LCK: variants seen among roughly 807,000 people sequenced by gnomAD.
The protein encoded by LCK is LCK proto-oncogene, Src family tyrosine kinase, also known as tyrosine-protein kinase Lck.
A neutral mutation model predicts 64.6 loss-of-function variants in LCK; 14 were observed. The ratio of observed to expected loss-of-function variants is 0.22; its 90% confidence interval spans 0.14 to 0.34. The LOEUF (loss-of-function observed/expected upper bound fraction) is 0.34. Ranked by LOEUF, LCK falls within the 10% of genes least tolerant of loss-of-function variation. The pLI, the probability that LCK is intolerant of heterozygous loss-of-function variation, is 1.00. For synonymous variants in LCK, 277 were observed against 263.6 expected (o/e 1.05, Z -0.49); for missense variants, 434 against 668.1 (o/e 0.65, Z 3.86).
intron 2 of LCK, 65 bp from the exon 3 acceptor site, chr1:32,274,672 G>A (rs11576027): frequency 3.2e-4 from 422 of 1,326,674 alleles, no homozygotes; most frequent in African/African-American, 1.9e-3. Flanking sequence ...GAGCAGGGGG[G>A]AAGGGGGCCA....
rs145895618 is a variant in LCK at position 32,269,174 on chromosome 1, C to T, written c.-5-5151C>T. On this transcript the variant is annotated intron_variant, in intron 1 of 12. Transcript: ENST00000336890. ...AGTCTAGGCTGGGCATGGTGGTTCA[C>T]GCCTGTAATCCCAGCACTTTGGGAG... Among the ~76,000 whole-genome samples the T allele has an allele frequency of 5.0e-3, 732 of 146,400 alleles. 4 individuals are homozygous for T. Among genetic ancestry groups the T allele is most frequent in the Middle Eastern group, 0.016 (4 of 248 alleles).
intron 1 of LCK, among the ~76,000 whole-genome samples, chr1:32,262,014 G>A (rs1241305118): frequency 2.8e-5 from 4 of 145,356 alleles, no homozygotes; most frequent in Non-Finnish European, 6.0e-5. Context: ...AGCTCAAGTA[G>A]CTGGGACTAC....
At chr1:32,269,745 A>T (rs1214137370) in intron 1 of LCK, 1 of 151,882 alleles carries the variant, frequency 6.6e-6, no homozygotes, top group Non-Finnish European at 1.5e-5. Flanking sequence ...ACTCTATTAA[A>T]AAAAGAAAAA....
At chr1:32,281,670 A>G (rs1378120429) in intron 12 of LCK, among the ~76,000 whole-genome samples, 1 of 152,054 alleles carries the variant, frequency 6.6e-6, no homozygotes, top group African/African-American at 2.4e-5. Flanking sequence ...TGGAGCATAA[A>G]GACAGGAGTA....
rs1389963267 is a variant in LCK, at chr1:32,276,099, A to G, written c.631+36A>G. 1 of 1,610,192 alleles carries G rather than the reference A, an allele frequency of 6.2e-7. No homozygotes were observed. The highest frequency in any genetic ancestry group is 8.5e-7 in the Non-Finnish European group (1 of 1,177,998). ...CGGGACCCCTCCCCCGTGCCCTATC[A>G]GCCTATCTCCCCTCAGTCCCCCTCA... On this transcript the variant is annotated intron_variant, in intron 7 of 12. Transcript: ENST00000336890. The surrounding 1 kb of genome is among the most constrained non-coding windows in gnomAD (Gnocchi z 4.6).
chr1:32,273,953 G>C (rs1039535296), intron 1 of LCK, among the ~76,000 whole-genome samples: 2 of 152,144 alleles, frequency 1.3e-5, no homozygotes, highest in African/African-American at 4.8e-5. Flanking sequence ...GCTTGGGAAA[G>C]TGTGTGTCAT....
At chr1:32,263,466 G>A (rs1639836236) in intron 1 of LCK, among the ~76,000 whole-genome samples, 1 of 151,742 alleles carries the variant, frequency 6.6e-6, no homozygotes, top group South Asian at 2.1e-4. Flanking sequence ...ACTGGGCATG[G>A]TGGCCCATGC....
intron 1 of LCK, among the ~76,000 whole-genome samples, chr1:32,267,652 T>C (rs1639958717): frequency 6.6e-6 from 1 of 151,942 alleles, no homozygotes; most frequent in South Asian, 2.1e-4. Context: ...TCCCAGCACT[T>C]TGAGAGGCCG....
intron 1 of LCK, chr1:32,269,502 C>T (rs1045148146): frequency 6.6e-6 from 1 of 151,748 alleles, no homozygotes; most frequent in Non-Finnish European, 1.5e-5. Flanking sequence ...GGCGTGGTCT[C>T]AGCTCACTGC....
chr1:32,282,939 A>G (rs1354487460), intron 12 of LCK, among the ~76,000 whole-genome samples: 1 of 151,944 alleles, frequency 6.6e-6, no homozygotes, highest in Non-Finnish European at 1.5e-5. Flanking sequence ...TGCACCCTTA[A>G]CTCTGGCCAT....
intron 1 of LCK, among the ~76,000 whole-genome samples, chr1:32,257,344 A>G (rs1366662518): frequency 6.6e-6 from 1 of 151,518 alleles, no homozygotes; most frequent in Non-Finnish European, 1.5e-5. Flanking sequence ...GACCTCCCCA[A>G]TCTCAGGTGA....
intron 1 of LCK, among the ~76,000 whole-genome samples, chr1:32,252,671 C>T (rs1411194250): frequency 6.6e-6 from 1 of 152,172 alleles, no homozygotes; most frequent in Non-Finnish European, 1.5e-5. Flanking sequence ...GTCCCTTGCT[C>T]TTGGGCCCCA....
Position 32,251,528 on chromosome 1 carries a change from G to A in LCK, c.-6+157G>A, listed in dbSNP as rs1297499617. Among the ~76,000 whole-genome samples the A allele has an allele frequency of 6.6e-5, 10 of 152,214 alleles. No individual in the cohort carries two copies. Among genetic ancestry groups the A allele is most frequent in the Admixed American group, 6.5e-4 (10 of 15,284 alleles). The stretch of plus-strand genomic sequence containing the variant: ...CAAGGTCAGGTGGGAGGCAGGCAGT[G>A]TAGCTGGGTCGCCTCTTTCCTGCGA... On this transcript the variant is annotated intron_variant, in intron 1 of 12. Coordinates refer to ENST00000336890, the MANE Select transcript of LCK (RefSeq NM_005356.5). This position sits in a 1 kb window ranked among gnomAD's most constrained non-coding sequence, Gnocchi z 4.0.
In LCK at chr1:32,276,290, C is replaced by T. The variant is rs372584352; in HGVS notation, c.632-47C>T. The T allele has an allele frequency of 1.3e-6, 2 of 1,524,568 alleles. No homozygotes were observed. Among genetic ancestry groups the T allele is most frequent in the South Asian group, 1.3e-5 (1 of 77,884 alleles). The allele number at this position is 1,524,568 out of a possible 1,614,324, so 94.4% of individuals were successfully genotyped here. Reference sequence around the variant, plus strand: ...AGAAGTGGGGGAGGTGGTGTCAATACGAGGCCTGCCCTATTGACAGCCTTC... The same window carrying T: ...AGAAGTGGGGGAGGTGGTGTCAATATGAGGCCTGCCCTATTGACAGCCTTC... On this transcript the variant is annotated intron_variant, in intron 7 of 12. Coordinates refer to ENST00000336890, the MANE Select transcript of LCK (RefSeq NM_005356.5). The surrounding 1 kb of genome is among the most constrained non-coding windows in gnomAD (Gnocchi z 4.6).
At chr1:32,261,815 A>G (rs950919259) in intron 1 of LCK, among the ~76,000 whole-genome samples, 1 of 150,106 alleles carries the variant, frequency 6.7e-6, no homozygotes, top group Non-Finnish European at 1.5e-5. Context: ...AGCCGGGCAT[A>G]CTAGGCGCAT....
In LCK at chr1:32,274,787, A is replaced by T. The variant is rs373458731; in HGVS notation, c.156A>T (p.Glu52Asp). Residue 52 changes from glutamate (E) to aspartate (D), a missense_variant, in exon 3 of 13, where the codon GAA becomes GAT. Coordinates refer to ENST00000336890, the MANE Select transcript of LCK (RefSeq NM_005356.5). The stretch of plus-strand genomic sequence containing the variant: ...TGCGGGACCCACTGGTTACCTACGA[A>T]GGCTCCAATCCGCCGGCTTCCCCAC... ...SEVRDPLVTY[E>D]GSNPPASPLQ... The T allele has an allele frequency of 6.8e-6, 11 of 1,612,936 alleles. No individual in the cohort carries two copies. The highest frequency in any genetic ancestry group is 9.3e-6 in the Non-Finnish European group (11 of 1,179,454).
In LCK at chr1:32,274,695, A is replaced by G. The variant is rs142674890; in HGVS notation, c.106-42A>G. On this transcript the variant is annotated intron_variant, in intron 2 of 12. Transcript: ENST00000336890. ...GGGAAGGGGGCCAGGGTCTGACCCAATCTTCTGCTTTCTGACCCCACCCTC... is the reference window on the plus strand; with the variant it reads ...GGGAAGGGGGCCAGGGTCTGACCCAGTCTTCTGCTTTCTGACCCCACCCTC... 1.6e-3 allele frequency: 2,365 copies of G among 1,491,072 alleles called. 3 individuals carry two copies. The highest frequency in any genetic ancestry group is 8.5e-3 in the Middle Eastern group (46 of 5,388). The allele number at this position is 1,491,072 out of a possible 1,614,324, so 92.4% of individuals were successfully genotyped here.
At chr1:32,282,435 T>C (rs1041398537) in intron 12 of LCK, among the ~76,000 whole-genome samples, 5 of 152,224 alleles carry the variant, frequency 3.3e-5, no homozygotes, top group African/African-American at 1.2e-4. Context: ...TTTTGTTTTT[T>C]TAAGAGAAGC....
At chr1:32,273,908 G>A (rs1371356949) in intron 1 of LCK, among the ~76,000 whole-genome samples, 1 of 152,110 alleles carries the variant, frequency 6.6e-6, no homozygotes, top group African/African-American at 2.4e-5. Context: ...CACCTCTCCA[G>A]TAGGGGAGGG....
Sources: allele counts gnomAD v4.1 joint callset (sites outside exome capture counted in the v4.1 genomes callset), GRCh38; gene constraint gnomAD v4.1.1; non-coding constraint Gnocchi (gnomAD v3.1); transcripts MANE v1.5; gene names NCBI Gene and HGNC (gene_info 2026-07-23, HGNC 2026-07-21).